Variants in IL1RN observed in about 807,000 individuals in gnomAD.
The protein encoded by IL1RN is interleukin 1 receptor antagonist.
IL1RN carries 10 observed loss-of-function variants against 13.7 expected under a neutral mutation model. The ratio of observed to expected loss-of-function variants is 0.73; its 90% CI spans 0.45 to 1.24. The LOEUF is 1.24. Among genes scored for constraint, IL1RN ranks in the 50% most tolerant of loss-of-function variants. IL1RN has a pLI of 0.00. For missense variants in IL1RN, 213 were observed against 222.1 expected (o/e 0.96, Z 0.26); for synonymous variants, 102 against 82.7 (o/e 1.23, Z -1.27).
At chr2:113,103,378 G>T (rs1241781830), upstream of IL1RN, among the ~76,000 whole-genome samples, 1 of 142,064 alleles carries the variant, frequency 7.0e-6, no homozygotes, top group Non-Finnish European at 1.5e-5. Flanking sequence ...GACTCTCCTG[G>T]AGTATCCAGT....
chr2:113,127,271 T>C (rs540023052), upstream of IL1RN, among the ~76,000 whole-genome samples: 4 of 152,322 alleles, frequency 2.6e-5, no homozygotes, highest in African/African-American at 7.2e-5. Context: ...CAAATCTGTT[T>C]TTTAAAAAGT....
chr2:113,116,283 AG>A (rs559585967), upstream of IL1RN, among the ~76,000 whole-genome samples: 24 of 152,344 alleles, frequency 1.6e-4, no homozygotes, highest in Admixed American at 1.5e-3. Context: ...CCAACTTTCT[AG>A]GTTTACAAAG....
chr2:113,101,855 C>G, the IL1RN span, among the ~76,000 whole-genome samples: 1 of 152,150 alleles, frequency 6.6e-6, no homozygotes, highest in Non-Finnish European at 1.5e-5. Context: ...GCAACCTCCA[C>G]CTCCCCAGTT....
the IL1RN span, among the ~76,000 whole-genome samples, chr2:113,099,493 G>A: frequency 6.6e-6 from 1 of 152,200 alleles, no homozygotes; most frequent in Non-Finnish European, 1.5e-5. Context: ...TCCCAGCTGA[G>A]AAAACGAGCG....
chr2:113,106,727 T>C (rs1686392689), upstream of IL1RN, among the ~76,000 whole-genome samples: 1 of 152,198 alleles, frequency 6.6e-6, no homozygotes, highest in South Asian at 2.1e-4. Flanking sequence ...GTCCCAGTGA[T>C]GTGGGAACCT....
At chr2:113,123,520 C>T (rs1445994067), upstream of IL1RN, among the ~76,000 whole-genome samples, 1 of 152,178 alleles carries the variant, frequency 6.6e-6, no homozygotes, top group Non-Finnish European at 1.5e-5. Context: ...ATCTCAAGTC[C>T]TGCTAGGGTA....
chr2:113,127,292 A>G (rs1686995255), upstream of IL1RN, among the ~76,000 whole-genome samples: 1 of 151,764 alleles, frequency 6.6e-6, no homozygotes, highest in Non-Finnish European at 1.5e-5. Flanking sequence ...CAACAAACAG[A>G]CTCTGGGTAC....
chr2:113,112,250 C>G (rs1047012811), intron 1 of IL1RN, among the ~76,000 whole-genome samples: 3 of 152,170 alleles, frequency 2.0e-5, no homozygotes, highest in Non-Finnish European at 4.4e-5. Flanking sequence ...GCCCAGCCAC[C>G]GTGTTACATG....
upstream of IL1RN, among the ~76,000 whole-genome samples, chr2:113,104,710 T>A (rs1386618699): frequency 1.3e-5 from 2 of 152,162 alleles, no homozygotes; most frequent in Non-Finnish European, 2.9e-5. Context: ...ATGGCTAACA[T>A]TTATTGGGCA....
At chr2:113,128,276 G>A (rs1292991017) in intron 1 of IL1RN, among the ~76,000 whole-genome samples, 1 of 151,998 alleles carries the variant, frequency 6.6e-6, no homozygotes, top group African/African-American at 2.4e-5. Flanking sequence ...ATTGTAAAGA[G>A]CCTGAAAACC....
chr2:113,130,911 G>A (rs578046329), intron 2 of IL1RN, 134 bp from the exon 3 acceptor site: 1 of 701,830 alleles, frequency 1.4e-6, no homozygotes, highest in East Asian at 2.7e-5. Flanking sequence ...CCAGGAAGAT[G>A]AGACCTCTCT....
At chr2:113,126,613 T>A (rs1020316175), upstream of IL1RN, among the ~76,000 whole-genome samples, 98 of 152,308 alleles carry the variant, frequency 6.4e-4, no homozygotes, top group African/African-American at 2.3e-3. Context: ...GTAAGGAAGT[T>A]AATGTGTATC....
At chr2:113,114,611 T>C (rs1453282985), upstream of IL1RN, among the ~76,000 whole-genome samples, 1 of 152,100 alleles carries the variant, frequency 6.6e-6, no homozygotes, top group African/African-American at 2.4e-5. Flanking sequence ...TGATCAGGTG[T>C]CTCATTTATT....
chr2:113,127,977 G>GA (rs1356380956), intron 1 of IL1RN, among the ~76,000 whole-genome samples: 4 of 152,254 alleles, frequency 2.6e-5, no homozygotes, highest in Non-Finnish European at 4.4e-5. Context: ...CAGAGACTCA[G>GA]GAACCCAGTG....
the IL1RN span, among the ~76,000 whole-genome samples, chr2:113,099,669 C>T: frequency 4.7e-5 from 7 of 149,492 alleles, no homozygotes; most frequent in Non-Finnish European, 1.0e-4. Flanking sequence ...TGAGTGGGAG[C>T]TGCAAATTAG....
At chr2:113,106,543 CA>C (rs1254267287), upstream of IL1RN, among the ~76,000 whole-genome samples, 8 of 152,168 alleles carry the variant, frequency 5.3e-5, no homozygotes, top group Non-Finnish European at 7.4e-5. Flanking sequence ...CCTGTCCTAG[CA>C]AAGAGCTAAT....
upstream of IL1RN, chr2:113,112,982 C>A (rs1199559728): frequency 1.3e-5 from 2 of 152,166 alleles, no homozygotes; most frequent in Non-Finnish European, 2.9e-5. Context: ...GACGGCTCTA[C>A]CACCTTGTCT....
chr2:113,125,101 G>T (rs369518007), upstream of IL1RN, among the ~76,000 whole-genome samples: 33 of 152,336 alleles, frequency 2.2e-4, no homozygotes, highest in South Asian at 6.6e-3. Context: ...TAAGGACATT[G>T]TTGAGAGAAT....
At chr2:113,116,023 A>G (rs186029195), upstream of IL1RN, among the ~76,000 whole-genome samples, 70 of 152,296 alleles carry the variant, frequency 4.6e-4, no homozygotes, top group East Asian at 0.012. Context: ...TGCCAACCAC[A>G]TGCCAAGCAC....
Sources: gnomAD v4.1 joint callset for allele counts (sites outside exome capture counted in the v4.1 genomes callset) on GRCh38, gnomAD v4.1.1 for gene constraint, MANE v1.5 for transcripts, NCBI Gene and HGNC (gene_info 2026-07-23, HGNC 2026-07-21) for gene names.